The following EPB41L4B variants were observed in gnomAD, a reference collection of about 807,000 sequenced individuals.
EPB41L4B encodes the protein band 4.1-like protein 4B.
Under a neutral mutation model 112.5 loss-of-function variants are expected in EPB41L4B, and 30 were observed. The ratio of observed to expected loss-of-function variants is 0.27; its 90% CI spans 0.20 to 0.36. The LOEUF is 0.36. Among genes scored for constraint, EPB41L4B ranks in the 10% least tolerant of loss-of-function variants. The probability of loss-of-function intolerance (pLI) is 1.00; values close to 1 mark genes in which losing one functional copy is unlikely to be tolerated. For synonymous variants in EPB41L4B, 408 were observed against 439.7 expected, an observed-to-expected ratio of 0.93 and a Z score of 0.90; for missense variants, 1,024 against 1,133.3, an observed-to-expected ratio of 0.90 and a Z score of 1.38.
intron 14 of EPB41L4B, among the ~76,000 whole-genome samples, chr9:109,244,868 T>C (rs1467701976): frequency 6.6e-6 from 1 of 152,180 alleles, no homozygotes. Context: ...CTTCTCAGGA[T>C]ACTTTGCTTA....
At chr9:109,179,177 G>C (rs1831960392) in intron 24 of EPB41L4B, among the ~76,000 whole-genome samples, 1 of 152,200 alleles carries the variant, frequency 6.6e-6, no homozygotes, top group African/African-American at 2.4e-5. Flanking sequence ...AGTATGAGCA[G>C]AGACCCAGTT....
At chr9:109,179,464 T>A (rs1312405990) in intron 24 of EPB41L4B, among the ~76,000 whole-genome samples, 3 of 152,168 alleles carry the variant, frequency 2.0e-5, no homozygotes, top group African/African-American at 7.2e-5. Flanking sequence ...GCCCATGAGC[T>A]TGGCTTCTGT....
chr9:109,286,193 GTGGA>G (rs1210969065), intron 1 of EPB41L4B, among the ~76,000 whole-genome samples: 23 of 148,880 alleles, frequency 1.5e-4, no homozygotes, highest in East Asian at 2.0e-4. Flanking sequence ...GGATGGATGG[GTGGA>G]TGGATGGATG....
chr9:109,254,887 T>C (rs1235793506), intron 11 of EPB41L4B, among the ~76,000 whole-genome samples: 1 of 152,220 alleles, frequency 6.6e-6, no homozygotes, highest in Non-Finnish European at 1.5e-5. Flanking sequence ...ACCCCAAATT[T>C]CTGGACATTG....
rs189349970 is a variant in EPB41L4B at position 109,265,117 on chromosome 9, G to A, written c.534-93C>T. The A allele has an allele frequency of 3.5e-5, 34 of 978,674 alleles. No individual in the cohort carries two copies. In the Admixed American group the frequency reaches 7.5e-4, roughly 22 times the overall value. The allele number at this position is 978,674 out of a possible 1,614,324, so 60.6% of individuals were successfully genotyped here. A position where few individuals can be genotyped will look rare whatever the true frequency, so the allele number is the denominator to read the frequency against. ...CACTGCAAACCCCACCCCACACACA[G>A]CATGGAGTTTTGCATTGTAAAAAAG... On this transcript the variant is annotated intron_variant, in intron 4 of 25. Transcript: ENST00000374566.
chr9:109,280,744 G>A (rs1296743069), intron 1 of EPB41L4B, among the ~76,000 whole-genome samples: 1 of 151,566 alleles, frequency 6.6e-6, no homozygotes, highest in South Asian at 2.1e-4. Context: ...CAGATAAAAC[G>A]ACATCATTCT....
intron 1 of EPB41L4B, among the ~76,000 whole-genome samples, chr9:109,312,885 C>A (rs1009646046): frequency 2.0e-5 from 3 of 152,132 alleles, no homozygotes; most frequent in African/African-American, 7.2e-5. Flanking sequence ...TCCCTCCACC[C>A]AGACACAGCT....
At chr9:109,253,386 C>A in intron 12 of EPB41L4B, 55 bp downstream of exon 12, 1 of 1,292,688 alleles carries the variant, frequency 7.7e-7, no homozygotes, top group Non-Finnish European at 1.1e-6. Flanking sequence ...TCCTCGAGGG[C>A]TTAAATGACT....
chr9:109,222,433 C>T (rs12553631), intron 15 of EPB41L4B, among the ~76,000 whole-genome samples: 37,469 of 152,058 alleles, frequency 0.25, 5,065 homozygotes, highest in East Asian at 0.42. Context: ...TTGTGCCCTG[C>T]GGAACTCCTG....
chr9:109,251,143 G>T (rs1213276876), intron 13 of EPB41L4B, among the ~76,000 whole-genome samples: 1 of 152,210 alleles, frequency 6.6e-6, no homozygotes, highest in Non-Finnish European at 1.5e-5. Context: ...TTTTGCTCGC[G>T]AGCAAGGCCT....
chr9:109,282,937 G>A lies in EPB41L4B; in HGVS notation c.307-3016C>T, dbSNP rs185214967. ...CCTCAAGTGATCCGCCCACCTCGGCGTCCCAAAGTGCTGGGATTACAGGCG... is the reference window on the plus strand; with the variant it reads ...CCTCAAGTGATCCGCCCACCTCGGCATCCCAAAGTGCTGGGATTACAGGCG... On this transcript the variant is annotated intron_variant, in intron 1 of 25. Coordinates refer to ENST00000374566, the MANE Select transcript of EPB41L4B (RefSeq NM_019114.5). 5.1e-3 allele frequency among the ~76,000 whole-genome samples: 780 copies of A among 151,582 alleles called. 11 individuals are homozygous for A. Among genetic ancestry groups the A allele is most frequent in the Middle Eastern group, 0.027 (8 of 292 alleles).
intron 1 of EPB41L4B, among the ~76,000 whole-genome samples, chr9:109,298,328 C>T (rs13288733): frequency 0.33 from 36,469 of 111,728 alleles, 4,962 homozygotes; most frequent in Non-Finnish European, 0.37. Flanking sequence ...TTTTTTTTTT[C>T]CCCAAGACAA....
Position 109,211,680 on chromosome 9 carries a change from A to G in EPB41L4B, c.1752+2020T>C, listed in dbSNP as rs145234278. Among the ~76,000 whole-genome samples the G allele has an allele frequency of 7.4e-3, 1,112 of 150,508 alleles. 11 individuals are homozygous for G. Among genetic ancestry groups the G allele is most frequent in the African/African-American group, 0.026 (1,055 of 41,062 alleles). ...AAGTCAAAATTATCTGTATAATCAC[A>G]TCACTCTAGCTTACTTGATTACTAA... On this transcript the variant is annotated intron_variant, in intron 17 of 25. Coordinates refer to ENST00000374566, the MANE Select transcript of EPB41L4B (RefSeq NM_019114.5).
chr9:109,288,551 T>C (rs1309771185), intron 1 of EPB41L4B, among the ~76,000 whole-genome samples: 1 of 151,442 alleles, frequency 6.6e-6, no homozygotes, highest in Non-Finnish European at 1.5e-5. Flanking sequence ...AAACCCTGTT[T>C]CTACTAAACA....
At chr9:109,215,457 T>C (rs1477143406) in intron 16 of EPB41L4B, among the ~76,000 whole-genome samples, 1 of 152,012 alleles carries the variant, frequency 6.6e-6, no homozygotes, top group African/African-American at 2.4e-5. Flanking sequence ...TTTTTGTATT[T>C]TCAGTAGAGA....
chr9:109,268,217 T>A (rs1835477017), intron 3 of EPB41L4B, among the ~76,000 whole-genome samples, 174 bp downstream of exon 3: 1 of 152,240 alleles, frequency 6.6e-6, no homozygotes, highest in Admixed American at 6.5e-5. Context: ...TTTATTCAAA[T>A]TTTAAACTCT....
intron 15 of EPB41L4B, among the ~76,000 whole-genome samples, chr9:109,223,335 T>C (rs1321696817): frequency 2.0e-5 from 3 of 151,806 alleles, no homozygotes; most frequent in Non-Finnish European, 4.4e-5. Flanking sequence ...CTCAGGAGGC[T>C]TAGATGGAGA....
intron 12 of EPB41L4B, among the ~76,000 whole-genome samples, chr9:109,251,824 T>A (rs7855020): frequency 0.016 from 2,373 of 151,680 alleles, 78 homozygotes; most frequent in African/African-American, 0.056. Flanking sequence ...TACAGAGAAG[T>A]GGGTAAAAGG....
At chr9:109,305,175 T>C (rs1837131604) in intron 1 of EPB41L4B, among the ~76,000 whole-genome samples, 1 of 142,584 alleles carries the variant, frequency 7.0e-6, no homozygotes, top group African/African-American at 2.7e-5. Flanking sequence ...GAGGGAATGC[T>C]ATATGGGAGA....
Sources: gnomAD v4.1 joint callset for allele counts (sites outside exome capture counted in the v4.1 genomes callset) on GRCh38, gnomAD v4.1.1 for gene constraint, MANE v1.5 for transcripts, NCBI Gene and HGNC (gene_info 2026-07-23, HGNC 2026-07-21) for gene names.